The following PXDNL variants were observed in gnomAD, a reference collection of about 807,000 sequenced individuals.
PXDNL encodes the protein probable oxidoreductase PXDNL.
A neutral mutation model predicts 150.8 loss-of-function variants in PXDNL; 145 were observed. The observed-to-expected ratio is 0.96, with a 90% confidence interval of 0.84 to 1.10. The LOEUF (loss-of-function observed/expected upper bound fraction) is 1.10. PXDNL is among the 50% of genes least tolerant of loss of function. The pLI, the probability that PXDNL is intolerant of heterozygous loss-of-function variation, is 0.00. For synonymous variants in PXDNL, 757 were observed against 725.7 expected, an observed-to-expected ratio of 1.04 and a Z score of -0.69; for missense variants, 2,087 against 1,873.9, an observed-to-expected ratio of 1.11 and a Z score of -2.10.
intron 16 of PXDNL, among the ~76,000 whole-genome samples, chr8:51,410,616 T>C (rs532928143): frequency 3.9e-5 from 6 of 152,310 alleles, no homozygotes; most frequent in African/African-American, 1.4e-4. Context: ...CCAATAGAAA[T>C]TGATGCTGTA....
intron 3 of PXDNL, among the ~76,000 whole-genome samples, chr8:51,578,003 AAGGAAGGAAGGAAGG>A (rs1563471223): frequency 7.6e-4 from 48 of 62,884 alleles, no homozygotes; most frequent in African/African-American, 3.8e-3. Flanking sequence ...AAGAAAGAGG[AAGGAAGGAAGGAAGG>A]AAGGAAGGAA....
At chr8:51,594,191 C>T (rs1445142377) in intron 2 of PXDNL, among the ~76,000 whole-genome samples, 1 of 152,186 alleles carries the variant, frequency 6.6e-6, no homozygotes, top group African/African-American at 2.4e-5. Flanking sequence ...TGTATACATA[C>T]ATATGTGCAT....
chr8:51,769,066 C>A (rs1319827133), intron 1 of PXDNL, among the ~76,000 whole-genome samples: 1 of 152,262 alleles, frequency 6.6e-6, no homozygotes, highest in Non-Finnish European at 1.5e-5. Flanking sequence ...TGCTCCACTG[C>A]ACTCCAGCCT....
At chr8:51,438,297 A>G (rs935552657) in intron 12 of PXDNL, among the ~76,000 whole-genome samples, 4 of 151,986 alleles carry the variant, frequency 2.6e-5, no homozygotes, top group Non-Finnish European at 5.9e-5. Context: ...CATTCTTCAC[A>G]GAACTAAAAA....
chr8:51,390,288 T>A (rs1807852487), intron 17 of PXDNL, among the ~76,000 whole-genome samples: 2 of 152,164 alleles, frequency 1.3e-5, no homozygotes, highest in African/African-American at 4.8e-5. Context: ...AAGGAGAATA[T>A]TTTAGAGCCA....
At chr8:51,748,016 T>A (rs2037005510) in intron 1 of PXDNL, among the ~76,000 whole-genome samples, 1 of 152,232 alleles carries the variant, frequency 6.6e-6, no homozygotes, top group Admixed American at 6.5e-5. Flanking sequence ...TCTATAAGTA[T>A]CTGAGTGTGA....
rs1808490424 is a variant in PXDNL, at chr8:51,408,201, G to A, written c.3423C>T (p.Ile1141=). 6.2e-7 allele frequency: 1 copy of A among 1,614,052 alleles called. No homozygotes were observed. Residue 1141 remains isoleucine (I), a synonymous_variant, in exon 17 of 23, where the codon ATC becomes ATT. Coordinates refer to ENST00000356297, the MANE Select transcript of PXDNL (RefSeq NM_144651.5). Reference sequence around the variant, plus strand: ...TCCCGTGGTCTCTACCCCTTTGAATGATGGTGGCAGCCGAATCCACGGCCG... The same window carrying A: ...TCCCGTGGTCTCTACCCCTTTGAATAATGGTGGCAGCCGAATCCACGGCCG... The part of the protein sequence containing the change: ...YSAAVDSAAT[I]IQRGRDHGIP...
chr8:51,439,422 A>T (rs1246314648), intron 12 of PXDNL, among the ~76,000 whole-genome samples: 1 of 152,228 alleles, frequency 6.6e-6, no homozygotes, highest in Non-Finnish European at 1.5e-5. Context: ...AAATAAAAAA[A>T]TAATAGATGT....
chr8:51,416,615 T>C (rs1318864994), intron 14 of PXDNL, among the ~76,000 whole-genome samples: 3 of 152,248 alleles, frequency 2.0e-5, no homozygotes, highest in African/African-American at 7.2e-5. Context: ...TCACGATTAA[T>C]GTGTTTTAAA....
At chr8:51,734,808 A>G (rs1817001047) in intron 1 of PXDNL, among the ~76,000 whole-genome samples, 2 of 152,248 alleles carry the variant, frequency 1.3e-5, no homozygotes, top group African/African-American at 4.8e-5. Flanking sequence ...TAGCAAAATT[A>G]GAACTGCAGA....
intron 4 of PXDNL, among the ~76,000 whole-genome samples, chr8:51,553,902 T>C (rs1457307561): frequency 1.3e-5 from 2 of 152,184 alleles, no homozygotes; most frequent in South Asian, 2.1e-4. Context: ...TCTTTAAAGA[T>C]GTCCCTTGCC....
At chr8:51,365,670 CAT>C (rs1806893173) in intron 19 of PXDNL, among the ~76,000 whole-genome samples, 1 of 152,156 alleles carries the variant, frequency 6.6e-6, no homozygotes. Flanking sequence ...CTCAAAGAAA[CAT>C]GTGATCATGA....
At chr8:51,391,885 G>T (rs200466491) in intron 17 of PXDNL, among the ~76,000 whole-genome samples, 4 of 152,054 alleles carry the variant, frequency 2.6e-5, no homozygotes, top group African/African-American at 9.7e-5. Flanking sequence ...TAATGTTTAA[G>T]TCTTTAATCC....
At position 51,459,629 on chromosome 8, in the gene PXDNL, A is replaced by G. The variant is rs559445783; in HGVS notation, c.813-1962T>C. Among the ~76,000 whole-genome samples, 10 of 152,306 alleles carry G rather than the reference A, an allele frequency of 6.6e-5. 1 individual carries two copies. The highest frequency in any genetic ancestry group is 2.4e-4 in the African/African-American group (10 of 41,574). The stretch of plus-strand genomic sequence containing the variant: ...ATAACCTCTTCGTTATGCTCATAAA[A>G]CTTGTTTGCTCATGAATCATGATGT... On this transcript the variant is annotated intron_variant, in intron 8 of 22. Transcript: ENST00000356297.
intron 5 of PXDNL, among the ~76,000 whole-genome samples, chr8:51,492,841 A>G (rs1028019351): frequency 1.3e-5 from 2 of 151,988 alleles, no homozygotes; most frequent in African/African-American, 4.8e-5. Flanking sequence ...GCCTCTGTAG[A>G]CTCCACCTCT....
At chr8:51,612,814 T>C (rs546747299) in intron 2 of PXDNL, among the ~76,000 whole-genome samples, 2 of 152,360 alleles carry the variant, frequency 1.3e-5, no homozygotes, top group Non-Finnish European at 2.9e-5. Context: ...CTGTTATTCA[T>C]AAGCCACTCA....
At chr8:51,605,097 T>G (rs1267696325) in intron 2 of PXDNL, among the ~76,000 whole-genome samples, 1 of 152,198 alleles carries the variant, frequency 6.6e-6, no homozygotes, top group African/African-American at 2.4e-5. Flanking sequence ...CAGCTAGTAA[T>G]TTTGTATTTT....
chr8:51,335,143 T>C (rs1805798644), intron 21 of PXDNL, among the ~76,000 whole-genome samples: 1 of 152,230 alleles, frequency 6.6e-6, no homozygotes, highest in African/African-American at 2.4e-5. Flanking sequence ...TAATTAATTT[T>C]AGATTAACAA....
chr8:51,708,570 TGAAA>T (rs1563513982), intron 1 of PXDNL, among the ~76,000 whole-genome samples: 1 of 152,122 alleles, frequency 6.6e-6, no homozygotes, highest in East Asian at 1.9e-4. Flanking sequence ...GAGTACAGGC[TGAAA>T]TTCAAAGGAA....
Sources: gnomAD v4.1 joint callset for allele counts (sites outside exome capture counted in the v4.1 genomes callset) on GRCh38, gnomAD v4.1.1 for gene constraint, MANE v1.5 for transcripts, NCBI Gene and HGNC (gene_info 2026-07-23, HGNC 2026-07-21) for gene names.